PDE4DIP: variants seen among roughly 807,000 people sequenced by gnomAD.
PDE4DIP encodes the protein phosphodiesterase 4D interacting protein.
In PDE4DIP, 59 loss-of-function variants were observed where a neutral mutation model predicts 221.4. That is an observed-to-expected ratio of 0.27 (90% CI 0.22 to 0.33). The LOEUF (loss-of-function observed/expected upper bound fraction) is 0.33. PDE4DIP is among the 10% of genes least tolerant of loss of function. The probability of loss-of-function intolerance (pLI) is 1.00; values close to 1 mark genes in which losing one functional copy is unlikely to be tolerated. For synonymous variants in PDE4DIP, 404 were observed against 815.9 expected, an observed-to-expected ratio of 0.50 and a Z score of 8.60; for missense variants, 1,036 against 2,154.2, an observed-to-expected ratio of 0.48 and a Z score of 10.28.
chr1:149,032,014 G>A (rs782279537), exon 44 of PDE4DIP: 17 of 1,610,974 alleles, frequency 1.1e-5, no homozygotes, highest in Admixed American at 1.7e-5. Flanking sequence ...CATGCAAGAA[G>A]CGCAGCCACC....
intron 5 of PDE4DIP, chr1:148,953,841 A>C (rs782604279): frequency 1.4e-5 from 22 of 1,595,666 alleles, no homozygotes; most frequent in South Asian, 9.1e-5. Flanking sequence ...TATCCCTTGG[A>C]GCTTTCAGAC....
intron 32 of PDE4DIP, among the ~76,000 whole-genome samples, chr1:149,013,182 T>C (rs1270261844): frequency 1.3e-5 from 2 of 152,250 alleles, no homozygotes; most frequent in Admixed American, 6.5e-5. Flanking sequence ...GTGGCTATTA[T>C]GTTTTTCTGC....
chr1:149,016,849 C>G (rs1410713974), intron 33 of PDE4DIP, among the ~76,000 whole-genome samples: 4 of 152,294 alleles, frequency 2.6e-5, no homozygotes, highest in Non-Finnish European at 5.9e-5. Context: ...TCTCTTAGAC[C>G]CTTCCAGAAT....
At chr1:148,945,042 GCTGTCATGGTAGGCACTAGAGAATTA>G (rs2051307513) in intron 5 of PDE4DIP, among the ~76,000 whole-genome samples, 1 of 149,466 alleles carries the variant, frequency 6.7e-6, no homozygotes, top group African/African-American at 2.4e-5. Flanking sequence ...AGGCAATGGT[GCTGTCATGGTAGGCACTAGAGAATTA>G]CCTTCTATGG....
intron 3 of PDE4DIP, among the ~76,000 whole-genome samples, chr1:148,879,030 GT>G (rs1692548404): frequency 1.3e-5 from 1 of 76,000 alleles, no homozygotes; most frequent in African/African-American, 5.2e-5. Context: ...TTTTGGTTTT[GT>G]TTTGTTTTTT....
At chr1:148,907,004 G>A (rs587657531) in intron 1 of PDE4DIP, among the ~76,000 whole-genome samples, 43 of 151,518 alleles carry the variant, frequency 2.8e-4, no homozygotes, top group African/African-American at 7.3e-4. Flanking sequence ...TGCCAAGATC[G>A]CGCCATTGCA....
At chr1:149,030,692 T>A in intron 43 of PDE4DIP, 5 of 980,766 alleles carry the variant, frequency 5.1e-6, no homozygotes, top group Non-Finnish European at 6.1e-6. Context: ...AAAAGCAATT[T>A]GCAACCTAAT....
chr1:149,028,051 GA>G (rs1478666439), intron 40 of PDE4DIP, among the ~76,000 whole-genome samples: 5 of 139,024 alleles, frequency 3.6e-5, no homozygotes, highest in Admixed American at 7.3e-5. Flanking sequence ...AGACTGCATA[GA>G]GGGAGGGAAG....
chr1:149,000,447 C>T (rs1191039128), intron 23 of PDE4DIP, among the ~76,000 whole-genome samples: 6 of 151,622 alleles, frequency 4.0e-5, no homozygotes, highest in African/African-American at 4.8e-5. Context: ...CCCAGCTACT[C>T]GGGAGGCTGA....
At chr1:148,980,247 C>G (rs1213528316) in intron 20 of PDE4DIP, among the ~76,000 whole-genome samples, 3 of 152,146 alleles carry the variant, frequency 2.0e-5, no homozygotes, top group Non-Finnish European at 2.9e-5. Flanking sequence ...CAAAAATTAG[C>G]TGGGTGAGGT....
intron 17 of PDE4DIP, 69 bp from the exon 21 acceptor site, chr1:148,977,868 G>A: frequency 6.3e-7 from 1 of 1,588,270 alleles, no homozygotes; most frequent in African/African-American, 1.4e-5. Flanking sequence ...GATAGTAATA[G>A]GATATGCAAA....
intron 35 of PDE4DIP, among the ~76,000 whole-genome samples, chr1:149,019,814 G>C (rs2072056912): frequency 6.6e-6 from 1 of 152,110 alleles, no homozygotes; most frequent in Non-Finnish European, 1.5e-5. Flanking sequence ...GATCCAAAAA[G>C]AAATCTTGAC....
intron 19 of PDE4DIP, among the ~76,000 whole-genome samples, chr1:148,978,956 A>G (rs1553540035): frequency 6.6e-6 from 1 of 151,790 alleles, no homozygotes; most frequent in Non-Finnish European, 1.5e-5. Flanking sequence ...GTTATCCCTC[A>G]CACTCATACC....
chr1:148,859,792 T>TTTTG (rs1683269101), intron 1 of PDE4DIP, among the ~76,000 whole-genome samples: 1 of 113,074 alleles, frequency 8.8e-6, no homozygotes, highest in South Asian at 2.7e-4. Context: ...TATTACCACT[T>TTTTG]TGTGTGTGTG....
intron 6 of PDE4DIP, 24 bp from the exon 10 acceptor site, chr1:148,961,813 A>C (rs1321880902): frequency 2.2e-6 from 2 of 902,590 alleles, no homozygotes; most frequent in Non-Finnish European, 3.7e-6. Context: ...GACCTAAAAA[A>C]CTGTTTTTCT....
chr1:148,930,585 A>T (rs1346535874), intron 2 of PDE4DIP: 1 of 151,856 alleles, frequency 6.6e-6, no homozygotes, highest in Non-Finnish European at 1.5e-5. Context: ...TCAAGAATGC[A>T]ATCCCATTTA....
chr1:148,969,135 C>A, intron 14 of PDE4DIP, 105 bp downstream of exon 17: 1 of 553,826 alleles, frequency 1.8e-6, no homozygotes, highest in East Asian at 2.8e-5. Context: ...ATATATTTTA[C>A]CGTCAACTCT....
intron 3 of PDE4DIP, among the ~76,000 whole-genome samples, chr1:148,876,947 G>A (rs1457404067): frequency 7.1e-6 from 1 of 141,092 alleles, no homozygotes; most frequent in Non-Finnish European, 1.5e-5. Flanking sequence ...CCAGGAGGCA[G>A]AGGTTGCAGT....
chr1:148,987,323 T>C (rs2062087153), intron 21 of PDE4DIP, among the ~76,000 whole-genome samples: 1 of 152,210 alleles, frequency 6.6e-6, no homozygotes, highest in Non-Finnish European at 1.5e-5. Context: ...AGTTTTCTTA[T>C]GATCCTGAAG....
Sources: allele counts gnomAD v4.1 joint callset (sites outside exome capture counted in the v4.1 genomes callset), GRCh38; gene constraint gnomAD v4.1.1; transcripts MANE v1.5; gene names NCBI Gene and HGNC (gene_info 2026-07-23, HGNC 2026-07-21).